C16orf96: variants seen among roughly 807,000 people sequenced by gnomAD.
C16orf96 encodes chromosome 16 open reading frame 96, also known as uncharacterized protein C16orf96.
A neutral mutation model predicts 103.6 loss-of-function variants in C16orf96; 108 were observed. The ratio of observed to expected loss-of-function variants is 1.04; its 90% CI spans 0.89 to 1.22. The LOEUF is 1.22. C16orf96 is among the 50% of genes most tolerant of loss of function. C16orf96 has a pLI of 0.00. For missense variants in C16orf96, 1,586 were observed against 1,464.2 expected (o/e 1.08, Z -1.36); for synonymous variants, 566 against 593.5 (o/e 0.95, Z 0.67).
chr16:4,547,502 CAG>C, the C16orf96 span, among the ~76,000 whole-genome samples: 2 of 152,050 alleles, frequency 1.3e-5, no homozygotes, highest in Non-Finnish European at 2.9e-5. Flanking sequence ...GACAGAAAGT[CAG>C]AAAATAGATT....
In C16orf96 at chr16:4,600,495, C is replaced by CCA. The variant is rs1403301628; in HGVS notation, c.*179_*180insAC. On this transcript the variant is annotated 3_prime_UTR_variant, in exon 16 of 16. Transcript: ENST00000444310. ...CCGAGGCTGAGGCTCATGCGCCCCC[C>CCA]CCCATCCCTACCAAGTCCCCTCCAC... is the stretch of plus-strand genomic sequence containing the variant. 2.1e-5 allele frequency: 10 copies of CCA among 478,380 alleles called. No homozygotes were observed. The highest frequency in any genetic ancestry group is 4.4e-5 in the African/African-American group (2 of 45,376). The allele number at this position is 478,380 out of a possible 1,614,324, so 29.6% of individuals were successfully genotyped here. A position where few individuals can be genotyped will look rare whatever the true frequency, so the allele number is the denominator to read the frequency against.
At chr16:4,550,964 A>G in the C16orf96 span, among the ~76,000 whole-genome samples, 1 of 152,230 alleles carries the variant, frequency 6.6e-6, no homozygotes, top group African/African-American at 2.4e-5. Context: ...GCAGATTCCC[A>G]GAACTTTGAT....
chr16:4,600,362 C>T lies in C16orf96; in HGVS notation c.*45C>T, dbSNP rs1183742381. On this transcript the variant is annotated 3_prime_UTR_variant, in exon 16 of 16. Coordinates refer to ENST00000444310, the MANE Select transcript of C16orf96 (RefSeq NM_001145011.2). ...CCCATCGCCAAGTCCCCTCCACGTC[C>T]GAGGCTGAGGCCCATGTGGCCCTCC... 18 of 1,395,910 alleles carry T rather than the reference C, an allele frequency of 1.3e-5. No individual in the cohort carries two copies. Among genetic ancestry groups the T allele is most frequent in the Non-Finnish European group, 1.6e-5 (16 of 1,016,452 alleles). The allele number at this position is 1,395,910 out of a possible 1,614,324, so 86.5% of individuals were successfully genotyped here.
chr16:4,543,762 C>A, the C16orf96 span, among the ~76,000 whole-genome samples: 2 of 152,090 alleles, frequency 1.3e-5, no homozygotes. Flanking sequence ...CTGCCTCAGC[C>A]ATCCAAGTAG....
At chr16:4,582,771 G>A (rs1192623851) in intron 7 of C16orf96, among the ~76,000 whole-genome samples, 2 of 152,088 alleles carry the variant, frequency 1.3e-5, no homozygotes, top group Non-Finnish European at 2.9e-5. Context: ...CCAGCACTAC[G>A]CCAGACCCTG....
rs373710289 is a variant in C16orf96 at position 4,564,419 on chromosome 16, GCTTT to G, written c.421-7137_421-7134del. Among the ~76,000 whole-genome samples the G allele has an allele frequency of 1.3e-3, 195 of 152,266 alleles. 1 individual carries two copies. The highest frequency in any genetic ancestry group is 6.8e-3 in the Middle Eastern group (2 of 294). On this transcript the variant is annotated intron_variant, in intron 1 of 15. Transcript: ENST00000444310. ...AAGGGGATGCTAACAACCTATTGTTGCTTTCTTTATTTCTAAACACCCTCCCCAT... is the reference window on the plus strand; with the variant it reads ...AAGGGGATGCTAACAACCTATTGTTGCTTTATTTCTAAACACCCTCCCCAT...
chr16:4,553,185 G>C (rs1342491020), upstream of C16orf96, among the ~76,000 whole-genome samples: 2 of 152,154 alleles, frequency 1.3e-5, no homozygotes, highest in African/African-American at 4.8e-5. Flanking sequence ...GAAGAGCCAG[G>C]TTTTGTGGAT....
At chr16:4,587,523 C>A (rs1046357721) in intron 8 of C16orf96, among the ~76,000 whole-genome samples, 1 of 86,702 alleles carries the variant, frequency 1.2e-5, no homozygotes, top group African/African-American at 4.3e-5. Flanking sequence ...AGCAAAAACT[C>A]TGTCTCAAAA....
chr16:4,586,428 G>A (rs957057873), intron 7 of C16orf96, among the ~76,000 whole-genome samples: 1 of 152,226 alleles, frequency 6.6e-6, no homozygotes, highest in Non-Finnish European at 1.5e-5. Flanking sequence ...ACACCCGACA[G>A]GAAGAGAGAA....
chr16:4,552,690 G>C (rs1050874271), upstream of C16orf96, among the ~76,000 whole-genome samples: 2 of 152,012 alleles, frequency 1.3e-5, no homozygotes, highest in African/African-American at 4.8e-5. Flanking sequence ...CCGGTCGAGG[G>C]CTGGACTGGC....
Position 4,575,336 on chromosome 16 carries a change from C to G in C16orf96, c.856C>G (p.Pro286Ala), listed in dbSNP as rs931013430. 1.0e-5 allele frequency: 16 copies of G among 1,551,290 alleles called. No individual in the cohort carries two copies. Among genetic ancestry groups the G allele is most frequent in the Non-Finnish European group, 1.3e-5 (15 of 1,147,000 alleles). ...LLQTVWHYEV[P>A]ELLPEGSSAQ... ...GCAGACTGTCTGGCATTATGAGGTCCCAGAGCTCCTCCCGGAGGGCTCATC... is the reference window on the plus strand; with the variant it reads ...GCAGACTGTCTGGCATTATGAGGTCGCAGAGCTCCTCCCGGAGGGCTCATC... Residue 286 changes from proline (P) to alanine (A), a missense_variant, in exon 5 of 16, where the codon CCA becomes GCA. Coordinates refer to ENST00000444310, the MANE Select transcript of C16orf96 (RefSeq NM_001145011.2).
rs1269502328 is a variant in C16orf96 at position 4,575,812 on chromosome 16, C to G, written c.1332C>G (p.Arg444=). ...GACCACTCCAGCCATATCAGTCTCG[C>G]CAGGGAGAAGCCCTCCAGCTCGCAG... The part of the protein sequence containing the change: ...WPRPLQPYQS[R]QGEALQLAAV... The change falls in exon 5 of 16, where the codon CGC becomes CGG. Residue 444 remains arginine (R), a synonymous_variant. Transcript: ENST00000444310. 29 of 1,551,062 alleles carry G rather than the reference C, an allele frequency of 1.9e-5. No individual in the cohort carries two copies. The highest frequency in any genetic ancestry group is 1.7e-4 in the Middle Eastern group (1 of 6,014).
upstream of C16orf96, among the ~76,000 whole-genome samples, chr16:4,553,277 T>C (rs945958512): frequency 6.6e-6 from 1 of 152,186 alleles, no homozygotes; most frequent in African/African-American, 2.4e-5. Flanking sequence ...CCTGAAAATA[T>C]CCCACTGTTC....
At position 4,586,226 on chromosome 16, in the gene C16orf96, C is replaced by G. The variant is rs140266704; in HGVS notation, c.2353-813C>G. ...AGTGAGCCGAAATGGCGCCACTGCA[C>G]TCCAGCCTGGGCGACAGAGCAGATT... On this transcript the variant is annotated intron_variant, in intron 7 of 15. Coordinates refer to ENST00000444310, the MANE Select transcript of C16orf96 (RefSeq NM_001145011.2). 1.0e-3 allele frequency among the ~76,000 whole-genome samples: 155 copies of G among 152,310 alleles called. 1 individual carries two copies. Among genetic ancestry groups the G allele is most frequent in the South Asian group, 8.9e-3 (43 of 4,828 alleles).
the C16orf96 span, among the ~76,000 whole-genome samples, chr16:4,549,471 TAA>T: frequency 5.2e-5 from 5 of 96,620 alleles, no homozygotes; most frequent in Admixed American, 1.2e-4. Context: ...AGACTCTGTC[TAA>T]AAAAAAAAAA....
chr16:4,548,145 A>G, the C16orf96 span, among the ~76,000 whole-genome samples: 2 of 152,198 alleles, frequency 1.3e-5, no homozygotes, highest in Non-Finnish European at 2.9e-5. Context: ...GTGATGAAAT[A>G]ACAAAGTAAA....
At chr16:4,589,562 G>A (rs1313008712) in intron 9 of C16orf96, among the ~76,000 whole-genome samples, 1 of 147,914 alleles carries the variant, frequency 6.8e-6, no homozygotes, top group East Asian at 2.0e-4. Flanking sequence ...TGGGCAGCAG[G>A]AGCACCCTGG....
At chr16:4,541,197 C>T in the C16orf96 span, among the ~76,000 whole-genome samples, 2 of 152,214 alleles carry the variant, frequency 1.3e-5, no homozygotes, top group Admixed American at 6.5e-5. Flanking sequence ...CAGGCGTGAG[C>T]CACCGCGCCC....
chr16:4,579,628 T>C (rs1009855962), intron 6 of C16orf96, among the ~76,000 whole-genome samples: 2 of 150,312 alleles, frequency 1.3e-5, no homozygotes, highest in Non-Finnish European at 3.0e-5. Context: ...TTTTTTTTTT[T>C]TGAGACGGAA....
Sources: allele counts gnomAD v4.1 joint callset (sites outside exome capture counted in the v4.1 genomes callset), GRCh38; gene constraint gnomAD v4.1.1; transcripts MANE v1.5; gene names NCBI Gene and HGNC (gene_info 2026-07-23, HGNC 2026-07-21).